The following PCED1B variants were observed in gnomAD, a reference collection of about 807,000 sequenced individuals.
The protein encoded by PCED1B is PC-esterase domain-containing protein 1B.
For missense variants in PCED1B, 573 were observed against 573.9 expected, an observed-to-expected ratio of 1.00 and a Z score of 0.02; for synonymous variants, 251 against 246.1, an observed-to-expected ratio of 1.02 and a Z score of -0.19.
Position 47,235,211 on chromosome 12 carries a change from G to C in PCED1B, c.148G>C (p.Ala50Pro). ...CCTGCTCACTCCCGGGCAGCTTAGA[G>C]CAAGGGGGGAGCTGAACTTCGAACA... ...DRLLTPGQLR[A>P]RGELNFEQDE... is the part of the protein sequence containing the mutation. Residue 50 changes from alanine (A) to proline (P), a missense_variant, in exon 4 of 4, where the codon GCA (alanine) becomes CCA (proline). By Grantham distance (27) the Ala-to-Pro change is conservative. Coordinates refer to ENST00000546455, the MANE Select transcript of PCED1B (RefSeq NM_138371.3). 1 of 1,607,782 alleles carries C rather than the reference G, an allele frequency of 6.2e-7. No homozygotes were observed. The highest frequency in any genetic ancestry group is 8.5e-7 in the Non-Finnish European group (1 of 1,176,564).
chr12:47,228,439 C>T (rs774131985), intron 3 of PCED1B, among the ~76,000 whole-genome samples: 2 of 152,116 alleles, frequency 1.3e-5, no homozygotes, highest in Non-Finnish European at 2.9e-5. Context: ...ACCATCTCTC[C>T]TGGGCAGAGG....
intron 2 of PCED1B, among the ~76,000 whole-genome samples, chr12:47,142,862 G>A (rs1184652834): frequency 4.0e-5 from 5 of 125,298 alleles, no homozygotes. Context: ...TACAAATTAT[G>A]GTAACAGAAG....
chr12:47,163,328 T>C (rs1293723122), intron 2 of PCED1B, among the ~76,000 whole-genome samples: 2 of 152,232 alleles, frequency 1.3e-5, no homozygotes, highest in African/African-American at 2.4e-5. Context: ...ATTAGGGTTT[T>C]CAACATATAA....
chr12:47,218,792 C>A (rs1943383749), intron 3 of PCED1B, among the ~76,000 whole-genome samples: 1 of 151,560 alleles, frequency 6.6e-6, no homozygotes, highest in African/African-American at 2.4e-5. Flanking sequence ...AGGTGTGAGC[C>A]ACTCTACCTG....
In PCED1B at chr12:47,080,568, A is replaced by G. The variant is rs76292907; in HGVS notation, c.-609+843A>G. ...TCTGCTGGGAGGAAGTAACCGGGAA[A>G]TCGCCACGGGGACACCCCTCACCTC... is the stretch of plus-strand genomic sequence containing the variant. On this transcript the variant is annotated intron_variant, in intron 1 of 3. Coordinates refer to ENST00000546455, the MANE Select transcript of PCED1B (RefSeq NM_138371.3). Among the ~76,000 whole-genome samples the G allele has an allele frequency of 3.3e-3, 498 of 152,228 alleles. 3 individuals are homozygous for G. Among genetic ancestry groups the G allele is most frequent in the African/African-American group, 0.012 (480 of 41,550 alleles).
intron 2 of PCED1B, among the ~76,000 whole-genome samples, chr12:47,106,788 C>CA (rs1555190120): frequency 1.3e-5 from 2 of 151,692 alleles, no homozygotes; most frequent in African/African-American, 4.8e-5. Flanking sequence ...TTTCCTCCAG[C>CA]TTTTTTTTTC....
At chr12:47,230,320 G>A (rs192742535) in intron 3 of PCED1B, among the ~76,000 whole-genome samples, 297 of 152,118 alleles carry the variant, frequency 2.0e-3, no homozygotes, top group African/African-American at 6.1e-3. Context: ...TCGTGACCTC[G>A]TGATCCTCCT....
chr12:47,110,092 A>T (rs1939126917), intron 2 of PCED1B, among the ~76,000 whole-genome samples: 1 of 152,230 alleles, frequency 6.6e-6, no homozygotes, highest in Non-Finnish European at 1.5e-5. Context: ...GTTAGTGGCC[A>T]GAATCATTCA....
intron 1 of PCED1B, among the ~76,000 whole-genome samples, chr12:47,088,053 C>G (rs1938073342): frequency 6.6e-6 from 1 of 152,166 alleles, no homozygotes; most frequent in African/African-American, 2.4e-5. Context: ...TTCTCAGCTT[C>G]CCCTTTGTAA....
chr12:47,107,722 C>T (rs1939018430), intron 2 of PCED1B, among the ~76,000 whole-genome samples: 1 of 152,142 alleles, frequency 6.6e-6, no homozygotes, highest in African/African-American at 2.4e-5. Flanking sequence ...GACTCAGGCT[C>T]AGGTGCAGGT....
chr12:47,101,676 G>C (rs1294054477), intron 1 of PCED1B, among the ~76,000 whole-genome samples: 2 of 152,178 alleles, frequency 1.3e-5, no homozygotes, highest in Non-Finnish European at 2.9e-5. Flanking sequence ...TCCGGGCACG[G>C]TGGCTCACAC....
chr12:47,233,362 C>G (rs982311514), intron 3 of PCED1B, among the ~76,000 whole-genome samples: 5 of 152,268 alleles, frequency 3.3e-5, no homozygotes, highest in Admixed American at 1.3e-4. Context: ...AGAAAGGTCT[C>G]GATCTGACCT....
chr12:47,141,160 A>C (rs897870067), intron 2 of PCED1B, among the ~76,000 whole-genome samples: 4 of 152,130 alleles, frequency 2.6e-5, no homozygotes, highest in Non-Finnish European at 4.4e-5. Flanking sequence ...GCTCCTCACT[A>C]AGTGTCTGTT....
chr12:47,182,882 T>C (rs1223337780), intron 2 of PCED1B, among the ~76,000 whole-genome samples: 5 of 152,080 alleles, frequency 3.3e-5, no homozygotes, highest in African/African-American at 1.2e-4. Context: ...AATGAGGACA[T>C]ATAAACAAAC....
At chr12:47,170,480 C>T (rs1223378952) in intron 2 of PCED1B, among the ~76,000 whole-genome samples, 1 of 144,954 alleles carries the variant, frequency 6.9e-6, no homozygotes, top group East Asian at 2.0e-4. Flanking sequence ...GGCAGAGGCG[C>T]CCCCCACCTC....
chr12:47,228,038 CT>C (rs35458566), intron 3 of PCED1B, among the ~76,000 whole-genome samples: 212 of 143,408 alleles, frequency 1.5e-3, no homozygotes, highest in African/African-American at 2.7e-3. Context: ...TTTTCTTTTC[CT>C]TTTTTTTTTT....
intron 2 of PCED1B, among the ~76,000 whole-genome samples, chr12:47,212,818 G>A (rs1447795810): frequency 6.6e-6 from 1 of 152,220 alleles, no homozygotes; most frequent in African/African-American, 2.4e-5. Context: ...CTTCACAACT[G>A]GAAGTGGGCC....
At position 47,198,466 on chromosome 12, in the gene PCED1B, T is replaced by G. The variant is rs139882426; in HGVS notation, c.-525-17756T>G. On this transcript the variant is annotated intron_variant, in intron 2 of 3. Coordinates refer to ENST00000546455, the MANE Select transcript of PCED1B (RefSeq NM_138371.3). ...AACATCATGCTTAATCTTAGGAAAC[T>G]AGATTCTTTCTCCCTACGATCAAGA... 8.5e-5 allele frequency among the ~76,000 whole-genome samples: 13 copies of G among 152,188 alleles called. No individual in the cohort carries two copies. The East Asian group carries it at 9.7e-4, about 11-fold the overall frequency.
chr12:47,122,348 A>G (rs955865586), intron 2 of PCED1B, among the ~76,000 whole-genome samples: 2 of 152,270 alleles, frequency 1.3e-5, no homozygotes, highest in Admixed American at 6.5e-5. Flanking sequence ...ATTGCAGCCA[A>G]TGTGTCTCCC....
Sources: allele counts gnomAD v4.1 joint callset (sites outside exome capture counted in the v4.1 genomes callset), GRCh38; gene constraint gnomAD v4.1.1; transcripts MANE v1.5; gene names NCBI Gene and HGNC (gene_info 2026-07-23, HGNC 2026-07-21).